The following ST6GAL1 variants were observed in gnomAD, a reference collection of about 807,000 sequenced individuals.
The protein encoded by ST6GAL1 is beta-galactoside alpha-2,6-sialyltransferase 1.
A neutral mutation model predicts 38.0 loss-of-function variants in ST6GAL1; 20 were observed. The observed-to-expected ratio is 0.53, with a 90% CI of 0.37 to 0.77. The LOEUF is 0.77. ST6GAL1 is among the 30% of genes least tolerant of loss of function. The pLI, the probability that ST6GAL1 is intolerant of heterozygous loss-of-function variation, is 0.00. For missense variants in ST6GAL1, 432 were observed against 496.4 expected (o/e 0.87, Z 1.23); for synonymous variants, 196 against 188.2 (o/e 1.04, Z -0.34).
At chr3:186,957,123 A>T (rs1412044898) in intron 1 of ST6GAL1, among the ~76,000 whole-genome samples, 1 of 152,188 alleles carries the variant, frequency 6.6e-6, no homozygotes, top group Non-Finnish European at 1.5e-5. Flanking sequence ...AAGAAAACTT[A>T]CAGAACCTTG....
intron 1 of ST6GAL1, among the ~76,000 whole-genome samples, chr3:186,947,483 C>T (rs188730183): frequency 8.5e-5 from 13 of 152,062 alleles, no homozygotes; most frequent in African/African-American, 2.7e-4. Context: ...TTATGAAACA[C>T]AAAATGTAAA....
intron 2 of ST6GAL1, among the ~76,000 whole-genome samples, chr3:186,973,185 G>A (rs1476646454): frequency 3.3e-5 from 5 of 152,094 alleles, no homozygotes; most frequent in African/African-American, 4.8e-5. Flanking sequence ...GCAGGCGCCC[G>A]CCATCATGCC....
chr3:186,978,495 C>G (rs934427391), intron 2 of ST6GAL1, among the ~76,000 whole-genome samples: 1 of 152,222 alleles, frequency 6.6e-6, no homozygotes, highest in Admixed American at 6.5e-5. Flanking sequence ...AGTTCACTAT[C>G]TGCTGAGCCA....
Position 187,043,073 on chromosome 3 carries a change from G to C in ST6GAL1, c.370G>C (p.Val124Leu), listed in dbSNP as rs1274545122. ...KNYLSMNKYKVSYKGPGPGIK... is the reference protein window; with the variant it reads ...KNYLSMNKYKLSYKGPGPGIK... The stretch of plus-strand genomic sequence containing the variant: ...TTACCTAAGCATGAACAAGTACAAA[G>C]TGTCCTACAAGGGGCCAGGACCAGG... The change falls in exon 4 of 8, where the codon GTG (valine) becomes CTG (leucine). Residue 124 changes from valine to leucine, a missense_variant. Physicochemically the swap from Val to Leu is conservative, Grantham distance 32. Coordinates refer to ENST00000169298, the MANE Select transcript of ST6GAL1 (RefSeq NM_173216.2). 1.2e-6 allele frequency: 2 copies of C among 1,614,190 alleles called. No homozygotes were observed. Among genetic ancestry groups the C allele is most frequent in the Admixed American group, 1.7e-5 (1 of 60,020 alleles).
intron 1 of ST6GAL1, among the ~76,000 whole-genome samples, chr3:186,959,652 A>G (rs1041985457): frequency 2.6e-5 from 4 of 152,194 alleles, no homozygotes; most frequent in Non-Finnish European, 4.4e-5. Context: ...GGAGAGGAAG[A>G]GGGGGACAGA....
chr3:187,065,653 G>A (rs1162784153), intron 5 of ST6GAL1, among the ~76,000 whole-genome samples: 6 of 152,216 alleles, frequency 3.9e-5, no homozygotes, highest in Non-Finnish European at 8.8e-5. Context: ...AGAAGACCCA[G>A]TGGCTTCCTT....
intron 2 of ST6GAL1, among the ~76,000 whole-genome samples, chr3:186,988,148 C>T (rs1307439333): frequency 1.3e-5 from 2 of 152,170 alleles, no homozygotes; most frequent in Non-Finnish European, 2.9e-5. Context: ...TGGTAATTAA[C>T]TTAAAACTCT....
chr3:186,935,605 T>C (rs1197778903), intron 1 of ST6GAL1, among the ~76,000 whole-genome samples: 1 of 152,200 alleles, frequency 6.6e-6, no homozygotes, highest in East Asian at 1.9e-4. Context: ...TTGAACTAAT[T>C]TACACTCCCA....
chr3:186,986,256 A>G (rs1406409464), intron 2 of ST6GAL1: 3 of 152,216 alleles, frequency 2.0e-5, no homozygotes, highest in African/African-American at 7.2e-5. Context: ...AGCTAATAAC[A>G]TCCAAACCAG....
chr3:187,021,826 T>C (rs1717317471), intron 2 of ST6GAL1: 1 of 151,520 alleles, frequency 6.6e-6, no homozygotes, highest in African/African-American at 2.4e-5. Flanking sequence ...AGGAAGCTTC[T>C]ATAAAAACCC....
At chr3:186,967,852 C>A (rs1715200951) in intron 2 of ST6GAL1, among the ~76,000 whole-genome samples, 1 of 152,222 alleles carries the variant, frequency 6.6e-6, no homozygotes, top group Non-Finnish European at 1.5e-5. Flanking sequence ...GTCCTTGACA[C>A]AAAACCACCG....
chr3:186,939,105 G>T (rs181077027), intron 1 of ST6GAL1, among the ~76,000 whole-genome samples: 2 of 146,860 alleles, frequency 1.4e-5, no homozygotes, highest in Non-Finnish European at 3.0e-5. Context: ...ACAGGGTCTC[G>T]CACTGTCACC....
intron 2 of ST6GAL1, among the ~76,000 whole-genome samples, chr3:186,985,607 TAAAA>T (rs34935712): frequency 8.1e-6 from 1 of 122,726 alleles, no homozygotes; most frequent in African/African-American, 3.0e-5. Context: ...CTTCAAAAAG[TAAAA>T]AAAAAAAAAA....
intron 2 of ST6GAL1, among the ~76,000 whole-genome samples, chr3:187,036,940 C>T (rs1234594017): frequency 6.6e-6 from 1 of 152,098 alleles, no homozygotes; most frequent in Non-Finnish European, 1.5e-5. Flanking sequence ...GTGCGTATTG[C>T]TTTATAGAAC....
chr3:187,050,955 G>T (rs1718493652), intron 4 of ST6GAL1, among the ~76,000 whole-genome samples: 1 of 152,222 alleles, frequency 6.6e-6, no homozygotes, highest in African/African-American at 2.4e-5. Flanking sequence ...TAGCACACTG[G>T]CTTTGTTCAC....
chr3:187,068,347 A>T (rs1026012632), intron 5 of ST6GAL1, among the ~76,000 whole-genome samples: 19 of 151,892 alleles, frequency 1.3e-4, no homozygotes, highest in Admixed American at 1.2e-3. Flanking sequence ...ATCTCAAAAA[A>T]AAAAAAAAAA....
intron 1 of ST6GAL1, chr3:186,948,949 A>C (rs534644301): frequency 6.6e-6 from 1 of 152,240 alleles, no homozygotes; most frequent in South Asian, 2.1e-4. Context: ...GTAAGAACAC[A>C]TCCAGCCACC....
intron 2 of ST6GAL1, among the ~76,000 whole-genome samples, chr3:186,989,009 G>T (rs1316063187): frequency 6.6e-6 from 1 of 152,092 alleles, no homozygotes; most frequent in Non-Finnish European, 1.5e-5. Flanking sequence ...TTAACATGAA[G>T]CTACTAAAAA....
intron 2 of ST6GAL1, among the ~76,000 whole-genome samples, chr3:186,969,452 T>C (rs1715273072): frequency 6.6e-6 from 1 of 152,264 alleles, no homozygotes; most frequent in Admixed American, 6.5e-5. Flanking sequence ...TTATGTGCTT[T>C]GTTTGCCACC....
Sources: allele counts gnomAD v4.1 joint callset (sites outside exome capture counted in the v4.1 genomes callset), GRCh38; gene constraint gnomAD v4.1.1; transcripts MANE v1.5; gene names NCBI Gene and HGNC (gene_info 2026-07-23, HGNC 2026-07-21).